The following HTR3B variants were observed in gnomAD, a reference collection of about 807,000 sequenced individuals.
HTR3B encodes 5-hydroxytryptamine (serotonin) receptor 3B, ionotropic.
In HTR3B, 44 loss-of-function variants were observed where a neutral mutation model predicts 42.8. The ratio of observed to expected loss-of-function variants is 1.03; its 90% CI spans 0.81 to 1.32. HTR3B has a LOEUF of 1.32. Ranked by LOEUF, HTR3B falls within the 40% of genes most tolerant of loss-of-function variation. HTR3B has a pLI of 0.00. For missense variants in HTR3B, 527 were observed against 536.5 expected (o/e 0.98, Z 0.17); for synonymous variants, 203 against 209.0 (o/e 0.97, Z 0.25).
intron 2 of HTR3B, among the ~76,000 whole-genome samples, chr11:113,909,774 C>T (rs920629299): frequency 3.3e-5 from 5 of 151,906 alleles, no homozygotes; most frequent in African/African-American, 1.2e-4. Flanking sequence ...CTTGAGCACA[C>T]GAGTTGGAGG....
intron 2 of HTR3B, among the ~76,000 whole-genome samples, chr11:113,925,130 C>T (rs1043260373): frequency 6.6e-6 from 1 of 152,140 alleles, no homozygotes. Flanking sequence ...ACCAGTGGTG[C>T]CTTCTGACCC....
Position 113,946,799 on chromosome 11 carries a change from C to T in HTR3B, c.*662C>T, listed in dbSNP as rs1950184383. 6.6e-6 allele frequency among the ~76,000 whole-genome samples: 1 copy of T among 152,212 alleles called. No individual in the cohort carries two copies. Among genetic ancestry groups the T allele is most frequent in the South Asian group, 2.1e-4 (1 of 4,832 alleles). On this transcript the variant is annotated 3_prime_UTR_variant, in exon 9 of 9. Coordinates refer to ENST00000260191, the MANE Select transcript of HTR3B (RefSeq NM_006028.5). Reference sequence around the variant, plus strand: ...GTTTTTTAAAAAGTGTAAGATAGCTCCATCTTCCAGCCCTGCCTTGGCCAT... The same window carrying T: ...GTTTTTTAAAAAGTGTAAGATAGCTTCATCTTCCAGCCCTGCCTTGGCCAT...
At chr11:113,913,963 C>G (rs1332297829) in intron 2 of HTR3B, among the ~76,000 whole-genome samples, 6 of 152,248 alleles carry the variant, frequency 3.9e-5, no homozygotes, top group African/African-American at 1.4e-4. Context: ...CTCCTCCATG[C>G]TACGATGCAG....
chr11:113,905,470 C>T (rs1189990621), intron 1 of HTR3B, among the ~76,000 whole-genome samples: 1 of 152,188 alleles, frequency 6.6e-6, no homozygotes, highest in East Asian at 1.9e-4. Context: ...GAGGCCTTAA[C>T]ATCTCGCCTT....
rs550158445 is a variant in HTR3B, at chr11:113,946,049, A to G, written c.1238A>G (p.Asp413Gly). Residue 413 changes from aspartate to glycine, a missense_variant, in exon 9 of 9, where the codon GAC becomes GGC. Coordinates refer to ENST00000260191, the MANE Select transcript of HTR3B (RefSeq NM_006028.5). ...AEWLVLLSRF[D>G]RLLFQSYLFM... Reference sequence around the variant, plus strand: ...TGGCTGGTCCTCCTGTCCCGCTTTGACCGACTGCTCTTCCAAAGCTACCTT... The same window carrying G: ...TGGCTGGTCCTCCTGTCCCGCTTTGGCCGACTGCTCTTCCAAAGCTACCTT... 1.2e-6 allele frequency: 2 copies of G among 1,614,040 alleles called. No individual in the cohort carries two copies. Among genetic ancestry groups the G allele is most frequent in the South Asian group, 2.2e-5 (2 of 91,070 alleles).
intron 2 of HTR3B, among the ~76,000 whole-genome samples, chr11:113,909,807 A>G (rs755732963): frequency 3.2e-4 from 49 of 151,880 alleles, no homozygotes; most frequent in Non-Finnish European, 4.6e-4. Context: ...GCATGGTGAA[A>G]CCCTGTCTGT....
intron 2 of HTR3B, among the ~76,000 whole-genome samples, chr11:113,916,844 C>CAA (rs1949858359): frequency 1.3e-5 from 2 of 152,090 alleles, no homozygotes; most frequent in Admixed American, 1.3e-4. Flanking sequence ...TGCTAGCATA[C>CAA]AAAAACACAG....
At chr11:113,925,782 A>G (rs1949964406) in intron 2 of HTR3B, among the ~76,000 whole-genome samples, 1 of 152,202 alleles carries the variant, frequency 6.6e-6, no homozygotes, top group African/African-American at 2.4e-5. Context: ...AATAGTATGC[A>G]TCAGACTTCT....
In HTR3B at chr11:113,946,013, A is replaced by G. The variant is rs1298096474; in HGVS notation, c.1202A>G (p.Gln401Arg). The G allele has an allele frequency of 1.2e-6, 2 of 1,614,024 alleles. No individual in the cohort carries two copies. Among genetic ancestry groups the G allele is most frequent in the Non-Finnish European group, 1.7e-6 (2 of 1,179,918 alleles). The change falls in exon 9 of 9, where the codon CAG (glutamine) becomes CGG (arginine). Residue 401 changes from glutamine (Q) to arginine (R), a missense_variant. Transcript: ENST00000260191. ...YLQTQDQTDQ[Q>R]EAEWLVLLSR... ...CAAACTCAGGACCAGACAGACCAACAGGAGGCAGAGTGGCTGGTCCTCCTG... is the reference window on the plus strand; with the variant it reads ...CAAACTCAGGACCAGACAGACCAACGGGAGGCAGAGTGGCTGGTCCTCCTG...
intron 2 of HTR3B, among the ~76,000 whole-genome samples, chr11:113,913,038 A>G (rs933903195): frequency 1.7e-4 from 25 of 149,368 alleles, no homozygotes; most frequent in African/African-American, 5.8e-4. Flanking sequence ...TAGTAATTAC[A>G]TAATACATAC....
upstream of HTR3B, among the ~76,000 whole-genome samples, chr11:113,900,572 C>G (rs988778829): frequency 5.3e-5 from 8 of 152,100 alleles, no homozygotes. Context: ...CGGCTCACTG[C>G]AACCTCTGCC....
intron 6 of HTR3B, among the ~76,000 whole-genome samples, chr11:113,938,950 G>A (rs913313402): frequency 2.0e-5 from 3 of 152,028 alleles, no homozygotes; most frequent in African/African-American, 7.2e-5. Flanking sequence ...AGTCGAGATT[G>A]CGTCATTGTA....
intron 2 of HTR3B, 42 bp from the exon 3 acceptor site, chr11:113,931,342 G>T (rs1377208003): frequency 6.8e-7 from 1 of 1,479,776 alleles, no homozygotes; most frequent in East Asian, 2.3e-5. Flanking sequence ...TTGATTTATT[G>T]ACATTCTAAG....
At chr11:113,920,114 C>T (rs1039525861) in intron 2 of HTR3B, among the ~76,000 whole-genome samples, 5 of 152,034 alleles carry the variant, frequency 3.3e-5, no homozygotes, top group African/African-American at 4.8e-5. Flanking sequence ...CCACAACCTC[C>T]GCCTCCCGGG....
At chr11:113,920,311 A>G (rs1333864841) in intron 2 of HTR3B, among the ~76,000 whole-genome samples, 8 of 152,036 alleles carry the variant, frequency 5.3e-5, no homozygotes, top group Non-Finnish European at 1.5e-5. Flanking sequence ...TACAGGCGTG[A>G]GCCACCGCGC....
At chr11:113,934,252 T>C (rs931297198) in intron 6 of HTR3B, among the ~76,000 whole-genome samples, 2 of 151,576 alleles carry the variant, frequency 1.3e-5, no homozygotes, top group African/African-American at 4.9e-5. Flanking sequence ...CTGGGTGTAG[T>C]GGTGTGTGCA....
chr11:113,909,466 T>C lies in HTR3B; in HGVS notation c.213+11T>C, dbSNP rs755236067. On this transcript the variant is annotated intron_variant, in intron 2 of 8. Transcript: ENST00000260191. ...GCTATATTGGATGTGGTAAGGACCATCTTGCCCCTTCCTATTCTTGTTAAC... is the reference window on the plus strand; with the variant it reads ...GCTATATTGGATGTGGTAAGGACCACCTTGCCCCTTCCTATTCTTGTTAAC... 2.5e-6 allele frequency: 4 copies of C among 1,609,208 alleles called. No individual in the cohort carries two copies. The Admixed American group carries it at 6.8e-5, about 27-fold the overall frequency.
Position 113,945,337 on chromosome 11 carries a change from G to A in HTR3B, c.1091-565G>A, listed in dbSNP as rs1189637409. Among the ~76,000 whole-genome samples, 3 of 152,094 alleles carry A rather than the reference G, an allele frequency of 2.0e-5. No homozygotes were observed. In the South Asian group the frequency reaches 6.2e-4, roughly 32 times the overall value. On this transcript the variant is annotated intron_variant, in intron 8 of 8. Transcript: ENST00000260191. ...TTTAGTAGAGACAGGGTTTCACCAT[G>A]TTGGCCAGGCTGGTCTCGAACTCCT...
At chr11:113,934,043 T>A (rs1432984106) in intron 6 of HTR3B, among the ~76,000 whole-genome samples, 1 of 152,168 alleles carries the variant, frequency 6.6e-6, no homozygotes, top group African/African-American at 2.4e-5. Context: ...AAACTTAGAC[T>A]AGACTAAGGT....
Sources: allele counts gnomAD v4.1 joint callset (sites outside exome capture counted in the v4.1 genomes callset), GRCh38; gene constraint gnomAD v4.1.1; transcripts MANE v1.5; gene names NCBI Gene and HGNC (gene_info 2026-07-23, HGNC 2026-07-21).